Variants in CYFIP2 observed in about 807,000 individuals in gnomAD.
The protein encoded by CYFIP2 is cytoplasmic FMR1 interacting protein 2.
In CYFIP2, 29 loss-of-function variants were observed where a neutral mutation model predicts 158.7. That is an observed-to-expected ratio of 0.18 (90% confidence interval 0.14 to 0.25). CYFIP2 has a LOEUF of 0.25. CYFIP2 is among the 10% of genes least tolerant of loss of function. The probability of loss-of-function intolerance (pLI) is 1.00; values close to 1 mark genes in which losing one functional copy is unlikely to be tolerated. For synonymous variants in CYFIP2, 585 were observed against 617.6 expected, an observed-to-expected ratio of 0.95 and a Z score of 0.78; for missense variants, 852 against 1,639.5, an observed-to-expected ratio of 0.52 and a Z score of 8.29.
intron 15 of CYFIP2, among the ~76,000 whole-genome samples, chr5:157,321,032 C>T (rs143430779): frequency 1.7e-3 from 265 of 152,356 alleles, no homozygotes; most frequent in South Asian, 7.5e-3. Context: ...TGTGTGACCT[C>T]GGGCACTTTA....
At chr5:157,299,094 G>T (rs561477090) in intron 5 of CYFIP2, among the ~76,000 whole-genome samples, 1 of 152,280 alleles carries the variant, frequency 6.6e-6, no homozygotes, top group East Asian at 1.9e-4. Flanking sequence ...GAGTGGAATT[G>T]TTGGGTCAGA....
intron 23 of CYFIP2, among the ~76,000 whole-genome samples, chr5:157,351,492 G>C (rs1763068179): frequency 6.6e-6 from 1 of 152,136 alleles, no homozygotes; most frequent in African/African-American, 2.4e-5. Flanking sequence ...AACTTTTTCT[G>C]CATTTAACAT....
intron 25 of CYFIP2, 109 bp downstream of exon 25, chr5:157,360,481 C>T: frequency 1.2e-6 from 1 of 830,042 alleles, no homozygotes; most frequent in Non-Finnish European, 1.9e-6. Context: ...TGGCAGAGTA[C>T]TGGCTATCCA....
chr5:157,344,038 C>A (rs2113266392), intron 23 of CYFIP2, among the ~76,000 whole-genome samples: 1 of 152,174 alleles, frequency 6.6e-6, no homozygotes, highest in South Asian at 2.1e-4. Context: ...CTGCCCACTG[C>A]TTTTTTTAGC....
At chr5:157,271,905 T>C (rs576492123) in intron 1 of CYFIP2, among the ~76,000 whole-genome samples, 1 of 152,094 alleles carries the variant, frequency 6.6e-6, no homozygotes, top group Non-Finnish European at 1.5e-5. Context: ...GCAGCTCCTC[T>C]CCCCACATAC....
At chr5:157,381,215 G>A (rs1024290934) in intron 26 of CYFIP2, among the ~76,000 whole-genome samples, 4 of 151,944 alleles carry the variant, frequency 2.6e-5, no homozygotes, top group South Asian at 2.1e-4. Context: ...TTTCCACTGA[G>A]ACATAACCAC....
In CYFIP2 at chr5:157,279,893, G is replaced by A. The variant is rs142186824; in HGVS notation, c.-23-5446G>A. Among the ~76,000 whole-genome samples, 10 of 152,284 alleles carry A rather than the reference G, an allele frequency of 6.6e-5. No homozygotes were observed. The East Asian group carries it at 1.9e-3, about 29-fold the overall frequency. ...CGTTCTTATTTTCATTTATACCTCT[G>A]TTCAAATTTCCAGAATATTTTTCCT... On this transcript the variant is annotated intron_variant, in intron 1 of 30. Coordinates refer to ENST00000620254, the MANE Select transcript of CYFIP2 (RefSeq NM_001037333.3).
intron 23 of CYFIP2, among the ~76,000 whole-genome samples, chr5:157,344,074 G>A (rs1353098994): frequency 6.6e-6 from 1 of 152,134 alleles, no homozygotes; most frequent in African/African-American, 2.4e-5. Flanking sequence ...CCCATGGTGA[G>A]TGGAAATTCG....
intron 4 of CYFIP2, among the ~76,000 whole-genome samples, chr5:157,296,022 C>T (rs1231499374): frequency 2.0e-5 from 3 of 152,188 alleles, no homozygotes; most frequent in East Asian, 3.8e-4. Flanking sequence ...AGCTGGACCC[C>T]GCTAGAGTGC....
At chr5:157,319,295 G>A (rs751658343) in intron 13 of CYFIP2, among the ~76,000 whole-genome samples, 2 of 152,094 alleles carry the variant, frequency 1.3e-5, no homozygotes, top group Admixed American at 6.6e-5. Flanking sequence ...CTGGCCAAAC[G>A]GTTTCAAAAA....
intron 4 of CYFIP2, among the ~76,000 whole-genome samples, chr5:157,295,671 T>C (rs1408696002): frequency 6.6e-6 from 1 of 152,280 alleles, no homozygotes; most frequent in Non-Finnish European, 1.5e-5. Flanking sequence ...CATAAAACTG[T>C]CTCATTCCTT....
intron 1 of CYFIP2, among the ~76,000 whole-genome samples, chr5:157,268,686 G>T (rs374240418): frequency 6.6e-6 from 1 of 152,316 alleles, no homozygotes; most frequent in East Asian, 1.9e-4. Flanking sequence ...TGTGGCCACC[G>T]TAACAATGAG....
At chr5:157,299,980 T>C (rs1028186598) in intron 5 of CYFIP2, among the ~76,000 whole-genome samples, 2 of 152,198 alleles carry the variant, frequency 1.3e-5, no homozygotes, top group African/African-American at 4.8e-5. Flanking sequence ...TTTTCTCTTT[T>C]GTTTCCTGCT....
intron 14 of CYFIP2, among the ~76,000 whole-genome samples, chr5:157,320,192 A>G (rs1760476591): frequency 6.6e-6 from 1 of 152,218 alleles, no homozygotes; most frequent in South Asian, 2.1e-4. Flanking sequence ...GGGGATTATA[A>G]TGCTACCTGC....
chr5:157,367,343 G>A (rs1296101358), intron 26 of CYFIP2, among the ~76,000 whole-genome samples: 2 of 152,174 alleles, frequency 1.3e-5, no homozygotes, highest in Non-Finnish European at 2.9e-5. Context: ...TCTAGATATT[G>A]TCTGATATTC....
rs768095152 is a variant in CYFIP2 at position 157,327,958 on chromosome 5, C to T, written c.2080-15C>T. The T allele has an allele frequency of 8.1e-6, 13 of 1,613,278 alleles. No homozygotes were observed. In the South Asian group the frequency reaches 9.9e-5, roughly 12 times the overall value. On this transcript the variant is annotated splice_polypyrimidine_tract_variant and intron_variant, in intron 18 of 30. Coordinates refer to ENST00000620254, the MANE Select transcript of CYFIP2 (RefSeq NM_001037333.3). Reference sequence around the variant, plus strand: ...GAACGGGCACCAGTGATGTTTCCTGCTTCCTCTCCACCAGGTGAACCTGTG... The same window carrying T: ...GAACGGGCACCAGTGATGTTTCCTGTTTCCTCTCCACCAGGTGAACCTGTG...
rs1201530759 is a variant in CYFIP2 at position 157,389,479 on chromosome 5, G to A, written c.3446+52G>A. ...TTACCCCCAACCTGCCTGTGCTCCT[G>A]CAAGTCATGGGGCTGCCAGAGTTCA... On this transcript the variant is annotated intron_variant, in intron 29 of 30. Coordinates refer to ENST00000620254, the MANE Select transcript of CYFIP2 (RefSeq NM_001037333.3). 2.3e-5 allele frequency: 34 copies of A among 1,458,470 alleles called. No homozygotes were observed. In the East Asian group the frequency reaches 3.4e-4, roughly 15 times the overall value. 90.3% of individuals were successfully genotyped at this position (1,458,470 alleles called of 1,614,324 possible).
chr5:157,376,023 A>C (rs1278410191), intron 26 of CYFIP2: 1 of 152,006 alleles, frequency 6.6e-6, no homozygotes, highest in Non-Finnish European at 1.5e-5. Context: ...AGGATGCCCC[A>C]CTCCTTTCAT....
chr5:157,379,793 G>T (rs1765868693), intron 26 of CYFIP2, among the ~76,000 whole-genome samples: 1 of 151,870 alleles, frequency 6.6e-6, no homozygotes, highest in Non-Finnish European at 1.5e-5. Flanking sequence ...CCGCCCAGCA[G>T]GTTCGCCTTG....
Sources: allele counts gnomAD v4.1 joint callset (sites outside exome capture counted in the v4.1 genomes callset), GRCh38; gene constraint gnomAD v4.1.1; transcripts MANE v1.5; gene names NCBI Gene and HGNC (gene_info 2026-07-23, HGNC 2026-07-21).